The following DSCAM variants were observed in gnomAD, a reference collection of about 807,000 sequenced individuals.
The protein encoded by DSCAM is cell adhesion molecule DSCAM.
A neutral mutation model predicts 217.7 loss-of-function variants in DSCAM; 47 were observed. That is an observed-to-expected ratio of 0.22 (90% CI 0.17 to 0.28). DSCAM has a LOEUF of 0.28. Among genes scored for constraint, DSCAM ranks in the 10% least tolerant of loss-of-function variants. The probability of loss-of-function intolerance (pLI) is 1.00; values close to 1 mark genes in which losing one functional copy is unlikely to be tolerated. For synonymous variants in DSCAM, 1,056 were observed against 1,015.3 expected, an observed-to-expected ratio of 1.04 and a Z score of -0.76; for missense variants, 2,080 against 2,618.3, an observed-to-expected ratio of 0.79 and a Z score of 4.49.
chr21:40,435,249 A>G (rs1211507424), intron 3 of DSCAM, among the ~76,000 whole-genome samples: 7 of 152,262 alleles, frequency 4.6e-5, no homozygotes, highest in Admixed American at 2.0e-4. Context: ...GTGAGCCCGC[A>G]GCTGCTCAAA....
At chr21:40,700,123 T>G (rs2090639504) in intron 2 of DSCAM, among the ~76,000 whole-genome samples, 1 of 152,228 alleles carries the variant, frequency 6.6e-6, no homozygotes, top group South Asian at 2.1e-4. Flanking sequence ...GAATTAATTA[T>G]GACAAATCTA....
chr21:40,745,727 T>C (rs2091167562), intron 1 of DSCAM, among the ~76,000 whole-genome samples: 1 of 152,130 alleles, frequency 6.6e-6, no homozygotes, highest in African/African-American at 2.4e-5. Context: ...TAAAATTCAC[T>C]GGTAAAAGTA....
intron 8 of DSCAM, among the ~76,000 whole-genome samples, chr21:40,315,428 G>T (rs2074185758): frequency 6.6e-6 from 1 of 151,522 alleles, no homozygotes; most frequent in African/African-American, 2.4e-5. Context: ...AAAACATAGA[G>T]TGTAGGTTGT....
At chr21:40,112,561 A>C (rs902937670) in intron 20 of DSCAM, among the ~76,000 whole-genome samples, 1 of 152,208 alleles carries the variant, frequency 6.6e-6, no homozygotes, top group South Asian at 2.1e-4. Flanking sequence ...AGAAATAGCT[A>C]AGATCAGAGC....
intron 1 of DSCAM, among the ~76,000 whole-genome samples, chr21:40,817,880 A>T (rs1042332390): frequency 6.6e-6 from 1 of 150,858 alleles, no homozygotes; most frequent in Non-Finnish European, 1.5e-5. Flanking sequence ...GTGGATCATG[A>T]GGTCAGGAGA....
chr21:40,480,215 C>T (rs2075970481), intron 3 of DSCAM, among the ~76,000 whole-genome samples: 1 of 152,188 alleles, frequency 6.6e-6, no homozygotes, highest in Admixed American at 6.5e-5. Flanking sequence ...GACTTAGGCT[C>T]CTTTTAGAAA....
At chr21:40,791,639 A>C (rs916898417) in intron 1 of DSCAM, among the ~76,000 whole-genome samples, 3 of 152,162 alleles carry the variant, frequency 2.0e-5, no homozygotes, top group Non-Finnish European at 4.4e-5. Flanking sequence ...GGCGACAGAG[A>C]GAGACACCGT....
At position 40,797,649 on chromosome 21, in the gene DSCAM, C is replaced by T. The variant is rs73362324; in HGVS notation, c.43+48970G>A. ...AAGAGTGTACTTGTTATGTAGAATT[C>T]ATTATCTTTATTTCGGAGTGCAGCC... On this transcript the variant is annotated intron_variant, in intron 1 of 32. Coordinates refer to ENST00000400454, the MANE Select transcript of DSCAM (RefSeq NM_001389.5). 2.7e-3 allele frequency among the ~76,000 whole-genome samples: 410 copies of T among 151,678 alleles called. 2 individuals are homozygous for T. The highest frequency in any genetic ancestry group is 9.6e-3 in the African/African-American group (396 of 41,362).
chr21:40,033,750 C>T (rs1381351140), intron 32 of DSCAM, among the ~76,000 whole-genome samples: 3 of 151,582 alleles, frequency 2.0e-5, no homozygotes, highest in Non-Finnish European at 4.4e-5. Flanking sequence ...AAAAAGACAG[C>T]AGTAACCTCT....
At chr21:40,413,904 A>G (rs867495924) in intron 3 of DSCAM, among the ~76,000 whole-genome samples, 17 of 152,086 alleles carry the variant, frequency 1.1e-4, no homozygotes, top group African/African-American at 4.1e-4. Flanking sequence ...TACATAGGGG[A>G]AAAAAAACTA....
chr21:40,444,960 G>C (rs545455922), intron 3 of DSCAM, among the ~76,000 whole-genome samples: 1 of 152,146 alleles, frequency 6.6e-6, no homozygotes, highest in African/African-American at 2.4e-5. Context: ...TATGTTTTCT[G>C]TTTAGTCCAT....
intron 3 of DSCAM, among the ~76,000 whole-genome samples, chr21:40,499,775 T>TTTTTTC: frequency 6.6e-6 from 1 of 152,206 alleles, no homozygotes; most frequent in Non-Finnish European, 1.5e-5. Flanking sequence ...GCACCCTTCT[T>TTTTTTC]TTTTTCTTTT....
chr21:40,488,843 C>T (rs2076051384), intron 3 of DSCAM, among the ~76,000 whole-genome samples: 1 of 152,132 alleles, frequency 6.6e-6, no homozygotes, highest in Admixed American at 6.5e-5. Flanking sequence ...GTTATTTCCC[C>T]ACCAAAAGCC....
intron 1 of DSCAM, among the ~76,000 whole-genome samples, chr21:40,713,240 C>CT (rs1032719815): frequency 1.8e-4 from 28 of 152,288 alleles, no homozygotes; most frequent in African/African-American, 6.3e-4. Context: ...AAAACTCTAA[C>CT]TTTTCACTGG....
chr21:40,601,116 A>G (rs1469042692), intron 3 of DSCAM, among the ~76,000 whole-genome samples: 1 of 152,222 alleles, frequency 6.6e-6, no homozygotes, highest in Non-Finnish European at 1.5e-5. Flanking sequence ...TCAAGTTGAG[A>G]AAAACTGACA....
intron 20 of DSCAM, among the ~76,000 whole-genome samples, chr21:40,103,990 C>T (rs1353233565): frequency 6.6e-6 from 1 of 151,910 alleles, no homozygotes; most frequent in Non-Finnish European, 1.5e-5. Flanking sequence ...AAGTTGATAT[C>T]CAGAGAAGGC....
chr21:40,449,920 A>G (rs1221503434), intron 3 of DSCAM, among the ~76,000 whole-genome samples: 1 of 152,236 alleles, frequency 6.6e-6, no homozygotes, highest in East Asian at 1.9e-4. Context: ...TCCACAATAC[A>G]TAAGCCAATT....
chr21:40,688,726 G>A (rs958628745), intron 3 of DSCAM, among the ~76,000 whole-genome samples: 2 of 152,184 alleles, frequency 1.3e-5, no homozygotes, highest in Non-Finnish European at 2.9e-5. Flanking sequence ...ATACCAGAGG[G>A]AAGGGTCACC....
At chr21:40,308,611 C>T (rs2074105420) in intron 9 of DSCAM, among the ~76,000 whole-genome samples, 1 of 152,140 alleles carries the variant, frequency 6.6e-6, no homozygotes, top group Non-Finnish European at 1.5e-5. Context: ...GTTTTCTCCA[C>T]CTGCCAAGAT....
Sources: gnomAD v4.1 joint callset for allele counts (sites outside exome capture counted in the v4.1 genomes callset) on GRCh38, gnomAD v4.1.1 for gene constraint, MANE v1.5 for transcripts, NCBI Gene and HGNC (gene_info 2026-07-23, HGNC 2026-07-21) for gene names.